The following XPR1 variants were observed in gnomAD, a reference collection of about 807,000 sequenced individuals.
XPR1 encodes xenotropic and polytropic retrovirus receptor 1, also known as solute carrier family 53 member 1.
In XPR1, 28 loss-of-function variants were observed where a neutral mutation model predicts 87.5. The observed-to-expected ratio is 0.32, with a 90% CI of 0.24 to 0.44. The LOEUF (loss-of-function observed/expected upper bound fraction) is 0.44. XPR1 is among the 20% of genes least tolerant of loss of function. XPR1 has a pLI of 1.00. For missense variants in XPR1, 559 were observed against 862.3 expected, an observed-to-expected ratio of 0.65 and a Z score of 4.41; for synonymous variants, 300 against 306.1, an observed-to-expected ratio of 0.98 and a Z score of 0.21.
intron 9 of XPR1, among the ~76,000 whole-genome samples, chr1:180,827,316 G>A (rs1650886308): frequency 6.6e-6 from 1 of 152,072 alleles, no homozygotes; most frequent in South Asian, 2.1e-4. Flanking sequence ...ATGAGACTTT[G>A]GAAGATTCAG....
Position 180,678,153 on chromosome 1 carries a change from T to G in XPR1, c.70-4207T>G, listed in dbSNP as rs1037766139. Among the ~76,000 whole-genome samples the G allele has an allele frequency of 2.0e-5, 3 of 152,340 alleles. 1 individual carries two copies. The South Asian group carries it at 6.2e-4, about 32-fold the overall frequency. ...TGGAGATGGCACAGAGCCTGCACAT[T>G]CATGTGTTCACCAACTTGGAAGCTC... is the stretch of plus-strand genomic sequence containing the variant. On this transcript the variant is annotated intron_variant, in intron 1 of 14. Coordinates refer to ENST00000367590, the MANE Select transcript of XPR1 (RefSeq NM_004736.4).
intron 2 of XPR1, among the ~76,000 whole-genome samples, chr1:180,731,896 T>C (rs1175568113): frequency 6.6e-6 from 1 of 152,162 alleles, no homozygotes; most frequent in Admixed American, 6.5e-5. Context: ...AAATGCCTTT[T>C]GAAATGCCTT....
intron 1 of XPR1, among the ~76,000 whole-genome samples, chr1:180,659,353 GTCCT>G (rs1188627055): frequency 9.6e-5 from 6 of 62,228 alleles, no homozygotes; most frequent in African/African-American, 2.1e-4. Flanking sequence ...CCTTCCTTCC[GTCCT>G]TCCGTCCTTC....
intron 1 of XPR1, among the ~76,000 whole-genome samples, chr1:180,654,468 T>C (rs779457131): frequency 4.6e-5 from 7 of 152,166 alleles, no homozygotes; most frequent in Non-Finnish European, 8.8e-5. Flanking sequence ...TTCAGTGGCA[T>C]TAAGTATTTT....
chr1:180,684,899 G>T (rs907380547), intron 2 of XPR1, among the ~76,000 whole-genome samples: 5 of 152,146 alleles, frequency 3.3e-5, no homozygotes, highest in Non-Finnish European at 4.4e-5. Context: ...AGACGATGAG[G>T]TTTTCTAGAT....
At chr1:180,783,168 C>G (rs1039009384) in intron 2 of XPR1, among the ~76,000 whole-genome samples, 1 of 151,834 alleles carries the variant, frequency 6.6e-6, no homozygotes, top group Non-Finnish European at 1.5e-5. Flanking sequence ...GTGGGAGGAT[C>G]GATTGAGCCT....
intron 2 of XPR1, among the ~76,000 whole-genome samples, chr1:180,765,307 A>G (rs2102058692): frequency 6.6e-6 from 1 of 152,216 alleles, no homozygotes; most frequent in African/African-American, 2.4e-5. Flanking sequence ...TTAACTTTAC[A>G]TTTGCCTCAA....
intron 2 of XPR1, among the ~76,000 whole-genome samples, chr1:180,718,669 ATTTTTTTT>A (rs34441510): frequency 7.4e-6 from 1 of 134,832 alleles, no homozygotes. Flanking sequence ...GAGCATCTGT[ATTTTTTTT>A]TTTTTTTTTG....
chr1:180,769,286 A>C (rs1480859587), intron 2 of XPR1, among the ~76,000 whole-genome samples: 3 of 152,098 alleles, frequency 2.0e-5, no homozygotes, highest in Non-Finnish European at 4.4e-5. Context: ...AGTTATTTTT[A>C]AATGTACCAT....
At chr1:180,688,546 A>G (rs1656867999) in intron 2 of XPR1, among the ~76,000 whole-genome samples, 1 of 152,070 alleles carries the variant, frequency 6.6e-6, no homozygotes, top group South Asian at 2.1e-4. Context: ...TGAGTATACT[A>G]CCTCTTGATA....
At chr1:180,860,025 A>G (rs886851662) in intron 11 of XPR1, among the ~76,000 whole-genome samples, 1 of 152,072 alleles carries the variant, frequency 6.6e-6, no homozygotes, top group Non-Finnish European at 1.5e-5. Flanking sequence ...AAGACAAGAA[A>G]TTCCCCCTCA....
At chr1:180,826,331 C>G (rs889041644) in intron 9 of XPR1, among the ~76,000 whole-genome samples, 4 of 152,090 alleles carry the variant, frequency 2.6e-5, no homozygotes, top group Non-Finnish European at 5.9e-5. Context: ...GAGTGGATCC[C>G]TTGAGCCCAG....
At chr1:180,741,281 A>T (rs1413972889) in intron 2 of XPR1, among the ~76,000 whole-genome samples, 2 of 151,542 alleles carry the variant, frequency 1.3e-5, no homozygotes, top group African/African-American at 2.4e-5. Flanking sequence ...CTCCTACCTT[A>T]TTCTCCCGAG....
chr1:180,656,016 A>G (rs1655451594), intron 1 of XPR1, among the ~76,000 whole-genome samples: 1 of 151,976 alleles, frequency 6.6e-6, no homozygotes, highest in African/African-American at 2.4e-5. Context: ...TATTGACTAT[A>G]GTCAACCTGT....
At chr1:180,873,693 C>A in intron 12 of XPR1, 110 bp from the exon 13 acceptor site, 1 of 1,204,952 alleles carries the variant, frequency 8.3e-7, no homozygotes, top group Non-Finnish European at 1.2e-6. Context: ...TGAGCCTGTG[C>A]TTATTCGTAG....
chr1:180,657,471 G>T (rs1234382276), intron 1 of XPR1, among the ~76,000 whole-genome samples: 3 of 152,128 alleles, frequency 2.0e-5, no homozygotes, highest in Admixed American at 2.0e-4. Context: ...TTTTGTATAT[G>T]GTGAGAGATG....
At chr1:180,669,553 G>A (rs1389452636) in intron 1 of XPR1, among the ~76,000 whole-genome samples, 4 of 151,894 alleles carry the variant, frequency 2.6e-5, no homozygotes, top group African/African-American at 9.7e-5. Context: ...AGTAGAGACG[G>A]GTTTCACCAT....
chr1:180,850,427 CACATTT>C, intron 11 of XPR1, among the ~76,000 whole-genome samples: 1 of 152,232 alleles, frequency 6.6e-6, no homozygotes, highest in Middle Eastern at 3.4e-3. Flanking sequence ...TGTTATTTCT[CACATTT>C]CTAGAATACA....
chr1:180,838,874 T>A (rs1366615888), intron 11 of XPR1, among the ~76,000 whole-genome samples: 1 of 152,232 alleles, frequency 6.6e-6, no homozygotes, highest in Non-Finnish European at 1.5e-5. Flanking sequence ...ACTAAGAGAT[T>A]AATTTGTTTT....
Sources: gnomAD v4.1 joint callset for allele counts (sites outside exome capture counted in the v4.1 genomes callset) on GRCh38, gnomAD v4.1.1 for gene constraint, MANE v1.5 for transcripts, NCBI Gene and HGNC (gene_info 2026-07-23, HGNC 2026-07-21) for gene names.